The following CCDC192 variants were observed in gnomAD, a reference collection of about 807,000 sequenced individuals.
CCDC192 encodes coiled-coil domain containing 192, also known as coiled-coil domain-containing protein 192.
intron 5 of CCDC192, among the ~76,000 whole-genome samples, chr5:127,810,020 G>A (rs545291301): frequency 2.0e-5 from 3 of 152,236 alleles, no homozygotes; most frequent in East Asian, 1.9e-4. Context: ...TCTTACATCT[G>A]TTCTACAATT....
At chr5:127,725,269 G>A (rs1297703278) in intron 2 of CCDC192, among the ~76,000 whole-genome samples, 1 of 152,068 alleles carries the variant, frequency 6.6e-6, no homozygotes, top group Non-Finnish European at 1.5e-5. Flanking sequence ...TGAATTTGAG[G>A]AAATTTGTTA....
At chr5:127,790,322 G>C (rs1266032269) in intron 3 of CCDC192, among the ~76,000 whole-genome samples, 1 of 152,060 alleles carries the variant, frequency 6.6e-6, no homozygotes. Flanking sequence ...GCCATTTTGG[G>C]ATATGTTTTG....
At chr5:127,729,843 C>T (rs1209414301) in intron 2 of CCDC192, among the ~76,000 whole-genome samples, 1 of 152,088 alleles carries the variant, frequency 6.6e-6, no homozygotes, top group African/African-American at 2.4e-5. Context: ...AAACAGTGTA[C>T]CAGAATCTCT....
intron 5 of CCDC192, among the ~76,000 whole-genome samples, chr5:127,852,439 T>A (rs1274908479): frequency 1.3e-5 from 2 of 152,186 alleles, no homozygotes; most frequent in East Asian, 3.8e-4. Context: ...GTATTGGCTG[T>A]TATGTGAAAC....
Position 127,754,289 on chromosome 5 carries a change from C to G in CCDC192, c.136C>G (p.Gln46Glu), listed in dbSNP as rs116375203. 1,972 of 398,300 alleles carry G rather than the reference C, an allele frequency of 5.0e-3. 35 individuals are homozygous for G. The highest frequency in any genetic ancestry group is 0.036 in the African/African-American group (1,743 of 48,442). 24.7% of individuals were successfully genotyped at this position (398,300 alleles called of 1,614,324 possible). A position where few individuals can be genotyped will look rare whatever the true frequency, so the allele number is the denominator to read the frequency against. Reference protein sequence around the residue: ...KVSKASLDTGQMAFTLAQLES... With the variant: ...KVSKASLDTGEMAFTLAQLES... ...AAAGAAAGCGTCCCTGGATACTGGACAGATGGCGTTTACCTTGGCCCAACT... is the reference window on the plus strand; with the variant it reads ...AAAGAAAGCGTCCCTGGATACTGGAGAGATGGCGTTTACCTTGGCCCAACT... Residue 46 changes from glutamine (Q) to glutamate (E), a missense_variant, in exon 3 of 7, where the codon CAG (glutamine) becomes GAG (glutamate). Physicochemically the swap from Gln to Glu is conservative, Grantham distance 29. Transcript: ENST00000514853.
chr5:127,751,565 A>T (rs1258292156), intron 2 of CCDC192, among the ~76,000 whole-genome samples: 1 of 151,568 alleles, frequency 6.6e-6, no homozygotes, highest in East Asian at 1.9e-4. Flanking sequence ...CTTCATTTCA[A>T]CTTTGGTGAA....
In CCDC192 at chr5:127,832,156, A is replaced by C. The variant is rs575256218; in HGVS notation, c.411+33994A>C. ...TAGTAAATACATGAAAATATCTTTA[A>C]TCTCACCAGTATTCAGGAAAGCAGA... On this transcript the variant is annotated intron_variant, in intron 5 of 6. Coordinates refer to ENST00000514853, the MANE Select transcript of CCDC192 (RefSeq NM_001317938.2). Among the ~76,000 whole-genome samples the C allele has an allele frequency of 2.0e-5, 3 of 152,356 alleles. No individual in the cohort carries two copies. The South Asian group carries it at 6.2e-4, about 32-fold the overall frequency.
intron 2 of CCDC192, among the ~76,000 whole-genome samples, chr5:127,720,264 T>A (rs1039996721): frequency 6.6e-6 from 1 of 152,068 alleles, no homozygotes; most frequent in African/African-American, 2.4e-5. Flanking sequence ...AGGGAAAAAA[T>A]CAGCCCAAAC....
At chr5:127,715,133 A>G (rs1424705636) in intron 2 of CCDC192, among the ~76,000 whole-genome samples, 2 of 152,266 alleles carry the variant, frequency 1.3e-5, no homozygotes, top group Middle Eastern at 6.8e-3. Flanking sequence ...AATTGATGTA[A>G]TCCCATTTGT....
chr5:127,791,234 A>G (rs1387893090), intron 3 of CCDC192, among the ~76,000 whole-genome samples: 2 of 152,228 alleles, frequency 1.3e-5, no homozygotes, highest in African/African-American at 2.4e-5. Flanking sequence ...AGAAAATTCA[A>G]CTTTCAATAT....
chr5:127,813,751 C>T (rs185886979), intron 5 of CCDC192, among the ~76,000 whole-genome samples: 1 of 152,158 alleles, frequency 6.6e-6, no homozygotes, highest in East Asian at 1.9e-4. Context: ...AGGTCAGAGT[C>T]CACAAATGGT....
chr5:127,877,042 T>C (rs895832865), intron 6 of CCDC192, among the ~76,000 whole-genome samples: 9 of 152,206 alleles, frequency 5.9e-5, no homozygotes, highest in Non-Finnish European at 1.3e-4. Context: ...CTGGTTTCAT[T>C]AGAAGAAACT....
chr5:127,833,072 G>A (rs1749875778), intron 5 of CCDC192, among the ~76,000 whole-genome samples: 3 of 152,160 alleles, frequency 2.0e-5, no homozygotes, highest in African/African-American at 7.2e-5. Context: ...TTAGGTTATT[G>A]TCTGTGTAGC....
chr5:127,712,295 C>T (rs1249378459), intron 2 of CCDC192, among the ~76,000 whole-genome samples: 1 of 152,166 alleles, frequency 6.6e-6, no homozygotes, highest in African/African-American at 2.4e-5. Context: ...GAACTTTGAT[C>T]TCCAGTGTTA....
intron 3 of CCDC192, among the ~76,000 whole-genome samples, chr5:127,769,433 G>A (rs1350768093): frequency 2.0e-5 from 3 of 152,074 alleles, no homozygotes; most frequent in Non-Finnish European, 1.5e-5. Flanking sequence ...GTGTGTGTGT[G>A]TGTGTGTCTG....
intron 6 of CCDC192, among the ~76,000 whole-genome samples, chr5:127,901,139 T>C (rs1237309189): frequency 6.6e-6 from 1 of 152,220 alleles, no homozygotes; most frequent in African/African-American, 2.4e-5. Context: ...CAATTGGGTA[T>C]CTACTTACAG....
chr5:127,745,458 C>T (rs530801967), intron 2 of CCDC192, among the ~76,000 whole-genome samples: 44 of 152,238 alleles, frequency 2.9e-4, no homozygotes, highest in African/African-American at 1.0e-3. Flanking sequence ...CCTCAACATC[C>T]ATGCATAATA....
At chr5:127,747,369 T>C (rs1325583628) in intron 2 of CCDC192, among the ~76,000 whole-genome samples, 1 of 152,086 alleles carries the variant, frequency 6.6e-6, no homozygotes, top group Non-Finnish European at 1.5e-5. Context: ...TGGTTTTTTG[T>C]CCTTGTGATA....
chr5:127,932,997 C>T (rs1739103600), intron 6 of CCDC192, among the ~76,000 whole-genome samples: 1 of 152,110 alleles, frequency 6.6e-6, no homozygotes, highest in African/African-American at 2.4e-5. Context: ...AGAGAGCTAG[C>T]CATGTATGCC....
Sources: allele counts gnomAD v4.1 joint callset (sites outside exome capture counted in the v4.1 genomes callset), GRCh38; gene constraint gnomAD v4.1.1; transcripts MANE v1.5; gene names NCBI Gene and HGNC (gene_info 2026-07-23, HGNC 2026-07-21).